Variants in KCNJ6 observed in about 807,000 individuals in gnomAD.
KCNJ6 encodes the protein G protein-activated inward rectifier potassium channel 2.
Under a neutral mutation model 34.2 loss-of-function variants are expected in KCNJ6, and 9 were observed. The ratio of observed to expected loss-of-function variants is 0.26; its 90% CI spans 0.16 to 0.46. The LOEUF (loss-of-function observed/expected upper bound fraction) is 0.46. KCNJ6 is among the 20% of genes least tolerant of loss of function. The probability of loss-of-function intolerance (pLI) is 1.00; values close to 1 mark genes in which losing one functional copy is unlikely to be tolerated. For synonymous variants in KCNJ6, 196 were observed against 207.1 expected, an observed-to-expected ratio of 0.95 and a Z score of 0.46; for missense variants, 236 against 531.3, an observed-to-expected ratio of 0.44 and a Z score of 5.46.
At chr21:37,853,013 C>T (rs2055545001) in intron 1 of KCNJ6, among the ~76,000 whole-genome samples, 1 of 151,496 alleles carries the variant, frequency 6.6e-6, no homozygotes, top group Non-Finnish European at 1.5e-5. Context: ...AAAAAATGAA[C>T]AGAGCCTTGG....
rs560530495 is a variant in KCNJ6, at chr21:37,624,757, T to C, written c.*402A>G. The C allele has an allele frequency of 1.7e-4, 34 of 202,162 alleles. No individual in the cohort carries two copies. Among genetic ancestry groups the C allele is most frequent in the Non-Finnish European group, 3.1e-4 (31 of 99,492 alleles). 12.5% of individuals were successfully genotyped at this position (202,162 alleles called of 1,614,324 possible). Reference sequence around the variant, plus strand: ...CCATAAAACTGAGGGCTCCACTCTGTGTCTCACTGAATGAATAAATAGGCA... The same window carrying C: ...CCATAAAACTGAGGGCTCCACTCTGCGTCTCACTGAATGAATAAATAGGCA... On this transcript the variant is annotated 3_prime_UTR_variant, in exon 4 of 4. Coordinates refer to ENST00000609713, the MANE Select transcript of KCNJ6 (RefSeq NM_002240.5).
intron 1 of KCNJ6, among the ~76,000 whole-genome samples, chr21:37,903,274 A>C (rs944132606): frequency 6.6e-6 from 1 of 152,170 alleles, no homozygotes; most frequent in African/African-American, 2.4e-5. Flanking sequence ...GTAGTGAATA[A>C]GTCTCATGAG....
At chr21:37,655,255 G>A (rs538357668) in intron 3 of KCNJ6, among the ~76,000 whole-genome samples, 5,069 of 139,048 alleles carry the variant, frequency 0.036, 222 homozygotes, top group Non-Finnish European at 0.048. Context: ...GAGAGAGAGA[G>A]AGAGAGAGAG....
chr21:37,767,946 C>A lies in KCNJ6; in HGVS notation c.26-52815G>T, dbSNP rs73411819. Among the ~76,000 whole-genome samples, 404 of 152,280 alleles carry A rather than the reference C, an allele frequency of 2.7e-3. 3 individuals carry two copies. Among genetic ancestry groups the A allele is most frequent in the African/African-American group, 9.4e-3 (390 of 41,552 alleles). ...AAAATGATCTGTACTTAGAGGAAGA[C>A]ACAGAGTCTAGAGGTCTGGGAAATC... On this transcript the variant is annotated intron_variant, in intron 2 of 3. Transcript: ENST00000609713.
At chr21:37,913,381 G>C (rs1373681784) in intron 1 of KCNJ6, among the ~76,000 whole-genome samples, 1 of 152,214 alleles carries the variant, frequency 6.6e-6, no homozygotes, top group Admixed American at 6.5e-5. Flanking sequence ...TCACACGCAG[G>C]CTTGAAGATG....
At position 37,693,925 on chromosome 21, in the gene KCNJ6, A is replaced by AT. The variant is rs10708287; in HGVS notation, c.946+20285dup. Among the ~76,000 whole-genome samples the AT allele has an allele frequency of 5.2e-3, 671 of 128,602 alleles. 4 individuals are homozygous for AT. The highest frequency in any genetic ancestry group is 0.013 in the African/African-American group (424 of 31,670). 84.4% of individuals were successfully genotyped at this position (128,602 alleles called of 152,430 possible). ...CACTATCTTCATTCAATTATTTACC[A>AT]TTTTTTTTTTAAAAAAAACAAACAT... is the stretch of plus-strand genomic sequence containing the variant. On this transcript the variant is annotated intron_variant, in intron 3 of 3. Coordinates refer to ENST00000609713, the MANE Select transcript of KCNJ6 (RefSeq NM_002240.5).
intron 1 of KCNJ6, among the ~76,000 whole-genome samples, chr21:37,860,472 C>T (rs1192842863): frequency 6.6e-6 from 1 of 152,188 alleles, no homozygotes; most frequent in Non-Finnish European, 1.5e-5. Flanking sequence ...GCAGCCAGAG[C>T]CATCACTGGC....
chr21:37,863,288 T>C (rs1313322256), intron 1 of KCNJ6, among the ~76,000 whole-genome samples: 3 of 152,260 alleles, frequency 2.0e-5, no homozygotes, highest in African/African-American at 7.2e-5. Flanking sequence ...GACTACTTAC[T>C]GTGCCTCCAC....
intron 3 of KCNJ6, among the ~76,000 whole-genome samples, chr21:37,672,903 C>A (rs1363351612): frequency 6.6e-6 from 1 of 152,152 alleles, no homozygotes; most frequent in Non-Finnish European, 1.5e-5. Context: ...CTCAGCCTCC[C>A]AAGTAGCTGG....
At chr21:37,713,619 T>G (rs1437093322) in intron 3 of KCNJ6, among the ~76,000 whole-genome samples, 1 of 152,190 alleles carries the variant, frequency 6.6e-6, no homozygotes, top group East Asian at 1.9e-4. Context: ...TTAAGATGAA[T>G]GGATCTTCAA....
intron 2 of KCNJ6, among the ~76,000 whole-genome samples, chr21:37,829,484 G>T (rs971339169): frequency 1.3e-5 from 2 of 152,186 alleles, no homozygotes; most frequent in Admixed American, 1.3e-4. Flanking sequence ...CACCCCACTG[G>T]CTTGGAAGGG....
At chr21:37,836,442 G>A (rs9981049) in intron 2 of KCNJ6, among the ~76,000 whole-genome samples, 39,725 of 152,060 alleles carry the variant, frequency 0.26, 6,393 homozygotes, top group South Asian at 0.39. Flanking sequence ...ATGCACACAC[G>A]TGTTTATTGT....
chr21:37,914,008 G>GGGGGTGTGTGT (rs760597650), intron 1 of KCNJ6, among the ~76,000 whole-genome samples: 2 of 135,480 alleles, frequency 1.5e-5, no homozygotes, highest in African/African-American at 5.5e-5. Flanking sequence ...GGCGGATCGG[G>GGGGGTGTGTGT]GTGTGTGTGT....
chr21:37,796,462 G>C (rs2055242587), intron 2 of KCNJ6, among the ~76,000 whole-genome samples: 1 of 152,218 alleles, frequency 6.6e-6, no homozygotes, highest in Non-Finnish European at 1.5e-5. Flanking sequence ...AAGGGTGGCA[G>C]ATGGGACCAG....
intron 3 of KCNJ6, among the ~76,000 whole-genome samples, chr21:37,634,405 G>A (rs1179082209): frequency 2.0e-5 from 3 of 152,238 alleles, no homozygotes; most frequent in African/African-American, 7.2e-5. Flanking sequence ...AGAGGCCGGG[G>A]CCATGCTTCC....
intron 2 of KCNJ6, among the ~76,000 whole-genome samples, chr21:37,829,294 C>T (rs764781784): frequency 1.3e-5 from 2 of 152,054 alleles, no homozygotes; most frequent in African/African-American, 4.8e-5. Flanking sequence ...GGAAGGCGAG[C>T]GGAGGAAGTG....
intron 2 of KCNJ6, among the ~76,000 whole-genome samples, chr21:37,801,489 G>A (rs548525686): frequency 6.6e-6 from 1 of 152,296 alleles, no homozygotes; most frequent in South Asian, 2.1e-4. Flanking sequence ...TTGTGTGCCA[G>A]TCTCCCTCCA....
At chr21:37,819,799 C>CTTTTT (rs60678115) in intron 2 of KCNJ6, among the ~76,000 whole-genome samples, 3 of 148,616 alleles carry the variant, frequency 2.0e-5, no homozygotes, top group Non-Finnish European at 3.0e-5. Context: ...GTTAAATACA[C>CTTTTT]TTTTTTTTTT....
rs180826258 is a variant in KCNJ6 at position 37,717,910 on chromosome 21, C to G, written c.26-2779G>C. Among the ~76,000 whole-genome samples the G allele has an allele frequency of 9.2e-4, 140 of 152,328 alleles. 2 individuals are homozygous for G. The highest frequency in any genetic ancestry group is 3.3e-3 in the African/African-American group (136 of 41,574). ...TCCATCTCCAATTTGTAGGCTTTAT[C>G]CCTTTTCTGACTAAACTGCAAACCC... On this transcript the variant is annotated intron_variant, in intron 2 of 3. Transcript: ENST00000609713.
Sources: allele counts gnomAD v4.1 joint callset (sites outside exome capture counted in the v4.1 genomes callset), GRCh38; gene constraint gnomAD v4.1.1; transcripts MANE v1.5; gene names NCBI Gene and HGNC (gene_info 2026-07-23, HGNC 2026-07-21).